Variants in SMG6 observed in about 807,000 individuals in gnomAD.
SMG6 encodes SMG6 nonsense mediated mRNA decay factor.
A neutral mutation model predicts 142.2 loss-of-function variants in SMG6; 66 were observed. The ratio of observed to expected loss-of-function variants is 0.46; its 90% CI spans 0.38 to 0.57. The LOEUF is 0.57. SMG6 is among the 20% of genes least tolerant of loss of function. The pLI is 0.00. For synonymous variants in SMG6, 779 were observed against 702.4 expected, an observed-to-expected ratio of 1.11 and a Z score of -1.72; for missense variants, 1,793 against 1,832.0, an observed-to-expected ratio of 0.98 and a Z score of 0.39.
chr17:2,245,284 C>A (rs1429793802), intron 8 of SMG6, among the ~76,000 whole-genome samples: 1 of 152,152 alleles, frequency 6.6e-6, no homozygotes, highest in Non-Finnish European at 1.5e-5. Flanking sequence ...AAGGGCTAGG[C>A]GTGAAGTATG....
At chr17:2,108,834 C>T (rs2069228149) in intron 13 of SMG6, among the ~76,000 whole-genome samples, 1 of 151,810 alleles carries the variant, frequency 6.6e-6, no homozygotes, top group Non-Finnish European at 1.5e-5. Flanking sequence ...ATCGCAGCTA[C>T]TCGGGAGGCT....
chr17:2,103,131 C>G (rs551573462), intron 13 of SMG6, among the ~76,000 whole-genome samples: 1 of 152,314 alleles, frequency 6.6e-6, no homozygotes, highest in South Asian at 2.1e-4. Context: ...CAACTGATTT[C>G]AAATCTTTTG....
Position 2,300,811 on chromosome 17 carries a change from A to G in SMG6, c.89-147T>C, listed in dbSNP as rs564554249. The stretch of plus-strand genomic sequence containing the variant: ...CAAATGCTAATACTGGTAGGCAAAG[A>G]AGGACATTTCTGTAGAAGCAGAAAT... On this transcript the variant is annotated intron_variant, in intron 1 of 18. Coordinates refer to ENST00000263073, the MANE Select transcript of SMG6 (RefSeq NM_017575.5). The G allele has an allele frequency of 1.1e-5, 8 of 717,014 alleles. No individual in the cohort carries two copies. In the East Asian group the frequency reaches 2.2e-4, roughly 20 times the overall value. The allele number at this position is 717,014 out of a possible 1,614,324, so 44.4% of individuals were successfully genotyped here. A position where few individuals can be genotyped will look rare whatever the true frequency, so the allele number is the denominator to read the frequency against.
intron 13 of SMG6, among the ~76,000 whole-genome samples, chr17:2,166,495 T>A (rs1461875680): frequency 1.1e-4 from 16 of 152,268 alleles, no homozygotes; most frequent in Admixed American, 2.6e-4. Flanking sequence ...TCTTGCTCTG[T>A]CCCTCGGGCT....
intron 10 of SMG6, among the ~76,000 whole-genome samples, chr17:2,221,825 G>C (rs997679554): frequency 6.6e-6 from 1 of 152,134 alleles, no homozygotes; most frequent in African/African-American, 2.4e-5. Context: ...CTCACTGCAA[G>C]CTCCACCTCC....
In SMG6 at chr17:2,299,375, T is replaced by C. The variant is rs750328177; in HGVS notation, c.1378A>G (p.Asn460Asp). 4 of 1,613,966 alleles carry C rather than the reference T, an allele frequency of 2.5e-6. No homozygotes were observed. Among genetic ancestry groups the C allele is most frequent in the East Asian group, 2.2e-5 (1 of 44,870 alleles). The change falls in exon 2 of 19, where the codon AAT (asparagine) becomes GAT (aspartate). Residue 460 changes from asparagine to aspartate, a missense_variant. Around this residue, in one of 3 missense-constraint regions of SMG6, gnomAD observed 1,597 missense variants for 1,584.6 expected, o/e 1.01. Transcript: ENST00000263073. The surrounding 1 kb of genome is among the most constrained non-coding windows in gnomAD (Gnocchi z 4.3). The part of the protein sequence containing the change: ...GTTRRLWDPN[N>D]PDQKPALKTQ... ...TTTAGAGCAGGTTTCTGATCAGGAT[T>C]GTTTGGGTCCCACAATCGGCGTGTG...
chr17:2,153,842 T>C (rs1356294122), intron 13 of SMG6, among the ~76,000 whole-genome samples: 1 of 99,490 alleles, frequency 1.0e-5, no homozygotes, highest in African/African-American at 4.4e-5. Flanking sequence ...AGTGTGACGG[T>C]GACTGGGAAA....
intron 10 of SMG6, among the ~76,000 whole-genome samples, chr17:2,209,737 T>C (rs2072793069): frequency 6.6e-6 from 1 of 152,194 alleles, no homozygotes; most frequent in Admixed American, 6.5e-5. Flanking sequence ...CTGACCTTAA[T>C]GACCCACCTG....
At chr17:2,167,131 C>CAAAAAAAAAAAAAAAA (rs57898779) in intron 13 of SMG6, among the ~76,000 whole-genome samples, 2 of 35,706 alleles carry the variant, frequency 5.6e-5, no homozygotes, top group African/African-American at 1.5e-4. Flanking sequence ...GACTCCATCT[C>CAAAAAAAAAAAAAAAA]AAAAAAAAAA....
chr17:2,095,753 A>G (rs574399717), intron 13 of SMG6, among the ~76,000 whole-genome samples: 1 of 152,174 alleles, frequency 6.6e-6, no homozygotes, highest in African/African-American at 2.4e-5. Context: ...TTTCAGGCGG[A>G]TGGGTCCCGA....
chr17:2,259,673 C>CAA (rs11289865), intron 8 of SMG6, among the ~76,000 whole-genome samples: 14 of 86,126 alleles, frequency 1.6e-4, no homozygotes, highest in East Asian at 3.3e-4. Flanking sequence ...ACCCTGTCTC[C>CAA]AAAAAAAAAA....
intron 8 of SMG6, among the ~76,000 whole-genome samples, chr17:2,247,340 T>C (rs1231032410): frequency 6.6e-6 from 1 of 152,242 alleles, no homozygotes; most frequent in Non-Finnish European, 1.5e-5. Context: ...AAGTTAAGAA[T>C]ACACATTCTC....
At chr17:2,113,999 G>A (rs1308183028) in intron 13 of SMG6, among the ~76,000 whole-genome samples, 1 of 152,244 alleles carries the variant, frequency 6.6e-6, no homozygotes, top group Non-Finnish European at 1.5e-5. Context: ...CAGGCACGGT[G>A]GCTCACGCCT....
Position 2,282,627 on chromosome 17 carries a change from C to T in SMG6, c.2661+20G>A, listed in dbSNP as rs780560972. On this transcript the variant is annotated intron_variant, in intron 8 of 18. Coordinates refer to ENST00000263073, the MANE Select transcript of SMG6 (RefSeq NM_017575.5). ...CTTACTGAGCTAGTTTGGCTCATTG[C>T]ATCATTCTCAGGAACTTACATCACT... 6.2e-7 allele frequency: 1 copy of T among 1,612,466 alleles called. No individual in the cohort carries two copies. Among genetic ancestry groups the T allele is most frequent in the Non-Finnish European group, 8.5e-7 (1 of 1,179,348 alleles).
intron 15 of SMG6, among the ~76,000 whole-genome samples, chr17:2,079,183 C>T (rs1428149305): frequency 3.3e-5 from 5 of 152,100 alleles, no homozygotes; most frequent in Non-Finnish European, 7.4e-5. Context: ...AGGCTGGTCT[C>T]GAACTCCTGA....
chr17:2,210,787 A>AAGCTAAG (rs1336825487), intron 10 of SMG6, among the ~76,000 whole-genome samples: 1 of 150,574 alleles, frequency 6.6e-6, no homozygotes, highest in African/African-American at 2.5e-5. Context: ...AAAAAAAAGC[A>AAGCTAAG]AGCTAAGAGC....
intron 10 of SMG6, among the ~76,000 whole-genome samples, chr17:2,228,922 C>G (rs2073391664): frequency 6.6e-6 from 1 of 152,082 alleles, no homozygotes; most frequent in Non-Finnish European, 1.5e-5. Flanking sequence ...CTCTCACACT[C>G]CTTTCTGTAT....
chr17:2,166,381 C>T (rs534362358), intron 13 of SMG6, among the ~76,000 whole-genome samples: 1 of 131,406 alleles, frequency 7.6e-6, no homozygotes, highest in African/African-American at 3.1e-5. Flanking sequence ...GAATGTAGCA[C>T]GCAAATAGAG....
At chr17:2,187,794 C>T (rs751280087) in intron 11 of SMG6, among the ~76,000 whole-genome samples, 7 of 151,358 alleles carry the variant, frequency 4.6e-5, no homozygotes, top group South Asian at 4.2e-4. Flanking sequence ...AAAGCTGGTG[C>T]GGCATGGGGT....
Sources: gnomAD v4.1 joint callset for allele counts (sites outside exome capture counted in the v4.1 genomes callset) on GRCh38, gnomAD v4.1.1 for gene constraint, gnomAD v4.1.1 regional missense constraint, Gnocchi (gnomAD v3.1) non-coding constraint, MANE v1.5 for transcripts, NCBI Gene and HGNC (gene_info 2026-07-23, HGNC 2026-07-21) for gene names.